Variants in TBC1D30 observed in about 807,000 individuals in gnomAD.
The protein encoded by TBC1D30 is TBC1 domain family member 30, also known as TBC1 domain family, member 30.
Under a neutral mutation model 63.2 loss-of-function variants are expected in TBC1D30, and 31 were observed. The ratio of observed to expected loss-of-function variants is 0.49; its 90% CI spans 0.37 to 0.66. TBC1D30 has a LOEUF of 0.66. Ranked by LOEUF, TBC1D30 falls within the 30% of genes least tolerant of loss-of-function variation. The pLI is 0.00. For missense variants in TBC1D30, 810 were observed against 953.6 expected (o/e 0.85, Z 1.98); for synonymous variants, 307 against 361.5 (o/e 0.85, Z 1.71).
chr12:64,819,810 T>C (rs1432573966), upstream of TBC1D30, among the ~76,000 whole-genome samples: 10 of 152,236 alleles, frequency 6.6e-5, 1 homozygote, highest in Admixed American at 6.5e-4. Context: ...TGTTTACACA[T>C]GTTCAAAAAT....
At chr12:64,807,101 C>T (rs960300057) in intron 2 of TBC1D30, among the ~76,000 whole-genome samples, 5 of 152,150 alleles carry the variant, frequency 3.3e-5, no homozygotes, top group African/African-American at 9.7e-5. Flanking sequence ...AGAATCCCCA[C>T]ATGTGGAGGG....
In TBC1D30 at chr12:64,848,305, G is replaced by A. The variant is rs555969170; in HGVS notation, c.1038+4820G>A. ...TTTTCTTTAGTATACTTTAAGTTCT[G>A]GGATACACGTGCAGAATGTGCAGGT... On this transcript the variant is annotated intron_variant, in intron 8 of 11. Transcript: ENST00000539867. 1.8e-4 allele frequency among the ~76,000 whole-genome samples: 27 copies of A among 150,902 alleles called. 1 individual carries two copies. The highest frequency in any genetic ancestry group is 6.6e-4 in the African/African-American group (27 of 41,092).
intron 1 of TBC1D30, among the ~76,000 whole-genome samples, chr12:64,765,386 G>T (rs553848137): frequency 6.9e-6 from 1 of 144,166 alleles, no homozygotes; most frequent in East Asian, 2.3e-4. Context: ...CTACTCAGGA[G>T]GATTAGGCAG....
intron 2 of TBC1D30, among the ~76,000 whole-genome samples, chr12:64,786,954 T>A (rs973951939): frequency 8.6e-5 from 13 of 150,928 alleles, no homozygotes; most frequent in South Asian, 4.2e-4. Context: ...AAAAAAAAAA[T>A]AAATAAATAA....
intron 1 of TBC1D30, among the ~76,000 whole-genome samples, chr12:64,825,752 G>A (rs1490986366): frequency 6.6e-6 from 1 of 152,202 alleles, no homozygotes; most frequent in Non-Finnish European, 1.5e-5. Flanking sequence ...GCCCTAGCGC[G>A]GGCTCCTGGG....
chr12:64,841,985 G>A (rs1186278266), intron 7 of TBC1D30, among the ~76,000 whole-genome samples: 1 of 152,148 alleles, frequency 6.6e-6, no homozygotes, highest in African/African-American at 2.4e-5. Context: ...CCCAATATTA[G>A]TATGTATCAA....
upstream of TBC1D30, among the ~76,000 whole-genome samples, chr12:64,779,881 A>T (rs1871184086): frequency 6.6e-6 from 1 of 152,230 alleles, no homozygotes; most frequent in Non-Finnish European, 1.5e-5. Flanking sequence ...ATCTCTAAGA[A>T]CAGTGCCTGA....
chr12:64,842,850 G>A (rs1287156599), intron 7 of TBC1D30, among the ~76,000 whole-genome samples: 5 of 152,142 alleles, frequency 3.3e-5, no homozygotes, highest in African/African-American at 1.2e-4. Context: ...ACTGTGAGGC[G>A]AGGAGTGCCA....
At chr12:64,851,117 T>C (rs1359124348) in intron 8 of TBC1D30, among the ~76,000 whole-genome samples, 1 of 152,214 alleles carries the variant, frequency 6.6e-6, no homozygotes, top group African/African-American at 2.4e-5. Flanking sequence ...AGTGATGATA[T>C]TTCCTGTATC....
intron 11 of TBC1D30, among the ~76,000 whole-genome samples, chr12:64,874,054 A>G (rs764535597): frequency 3.3e-5 from 5 of 152,306 alleles, no homozygotes; most frequent in Non-Finnish European, 5.9e-5. Flanking sequence ...GTCAATGATA[A>G]TGCCATCGAC....
Position 64,832,210 on chromosome 12 carries a change from G to A in TBC1D30, c.500G>A (p.Arg167Gln), listed in dbSNP as rs1404733305. Reference protein sequence around the residue: ...VLKRVLLAYARWNKTVGYCQG... With the variant: ...VLKRVLLAYAQWNKTVGYCQG... ...AAGCGGGTGCTGCTGGCCTATGCCC[G>A]ATGGAACAAAACTGTTGGGTACTGC... is the stretch of plus-strand genomic sequence containing the variant. The change falls in exon 5 of 12, where the codon CGA becomes CAA. Residue 167 changes from arginine (R) to glutamine (Q), a missense_variant. Physicochemically the swap from Arg to Gln is conservative, Grantham distance 43 (BLOSUM62 1). Around this residue, in one of 4 missense-constraint regions of TBC1D30, gnomAD observed 272 missense variants for 335.9 expected, o/e 0.81. Coordinates refer to ENST00000539867, the MANE Select transcript of TBC1D30 (RefSeq NM_015279.2). The A allele has an allele frequency of 5.2e-6, 8 of 1,536,014 alleles. No homozygotes were observed. Among genetic ancestry groups the A allele is most frequent in the Non-Finnish European group, 5.2e-6 (6 of 1,146,918 alleles).
chr12:64,801,980 T>G (rs952314781), intron 2 of TBC1D30, among the ~76,000 whole-genome samples: 18 of 149,912 alleles, frequency 1.2e-4, no homozygotes, highest in African/African-American at 4.1e-4. Context: ...TTCAGTGGAT[T>G]ATATGCTATT....
Position 64,875,263 on chromosome 12 carries a change from C to T in TBC1D30, c.1761C>T (p.Asp587=), listed in dbSNP as rs1281481979. 4 of 1,536,282 alleles carry T rather than the reference C, an allele frequency of 2.6e-6. No individual in the cohort carries two copies. The South Asian group carries it at 3.6e-5, about 14-fold the overall frequency. Residue 587 remains aspartate (D), a synonymous_variant, in exon 12 of 12, where the codon GAC becomes GAT. Transcript: ENST00000539867. ...CCAAGAGTCATCCGGGCTGTGGGGA[C>T]ACCGTAGGGCTGATAGATGAGCAGA... ...PRTKSHPGCG[D]TVGLIDEQNE... is the part of the protein sequence containing the mutation.
chr12:64,824,761 C>G lies in TBC1D30; in HGVS notation c.-119C>G, dbSNP rs888984479. 3 of 1,353,844 alleles carry G rather than the reference C, an allele frequency of 2.2e-6. No individual in the cohort carries two copies. The highest frequency in any genetic ancestry group is 2.6e-5 in the East Asian group (1 of 38,958). The allele number at this position is 1,353,844 out of a possible 1,614,324, so 83.9% of individuals were successfully genotyped here. On this transcript the variant is annotated 5_prime_UTR_variant, in exon 1 of 12. Transcript: ENST00000539867. ...GCACCAGCCGGCTGTGCGCTCCCTG[C>G]TCCCACGGGCCGGTCAGCCGCAGAC...
At chr12:64,765,764 G>T (rs2136271214) in intron 1 of TBC1D30, among the ~76,000 whole-genome samples, 1 of 150,900 alleles carries the variant, frequency 6.6e-6, no homozygotes, top group East Asian at 2.0e-4. Flanking sequence ...GGGAGGCCTA[G>T]GTGGGCAGAT....
chr12:64,828,463 C>T lies in TBC1D30; in HGVS notation c.236C>T (p.Ala79Val). The T allele has an allele frequency of 6.5e-7, 1 of 1,535,836 alleles. No homozygotes were observed. Among genetic ancestry groups the T allele is most frequent in the Admixed American group, 2.0e-5 (1 of 50,994 alleles). Residue 79 changes from alanine to valine, a missense_variant, in exon 3 of 12, where the codon GCA becomes GTA. Ala to Val is a moderately conservative substitution (Grantham distance 64, BLOSUM62 0). Transcript: ENST00000539867. ...GFQQWYDALK[A>V]VARLSTGIPK... ...TCCTAGTGGTACGATGCTCTCAAGG[C>T]AGTTGCCAGGCTATCCACAGGAATA...
At chr12:64,789,677 T>A (rs897302679) in intron 2 of TBC1D30, among the ~76,000 whole-genome samples, 1 of 152,214 alleles carries the variant, frequency 6.6e-6, no homozygotes, top group African/African-American at 2.4e-5. Context: ...ACTTACATTT[T>A]ATGGTTTCCT....
chr12:64,775,104 AAT>A (rs1555165730), intron 1 of TBC1D30, among the ~76,000 whole-genome samples: 9 of 147,908 alleles, frequency 6.1e-5, no homozygotes, highest in African/African-American at 2.2e-4. Context: ...AAAAAAAAAA[AAT>A]ATATATATAT....
intron 2 of TBC1D30, among the ~76,000 whole-genome samples, chr12:64,795,809 CT>C (rs5798759): frequency 1.4e-5 from 2 of 145,182 alleles, no homozygotes; most frequent in Admixed American, 6.9e-5. Flanking sequence ...AAGTTAGATG[CT>C]TTTTTTTTTC....
Sources: allele counts gnomAD v4.1 joint callset (sites outside exome capture counted in the v4.1 genomes callset), GRCh38; gene constraint gnomAD v4.1.1; regional missense constraint gnomAD v4.1.1; transcripts MANE v1.5; gene names NCBI Gene and HGNC (gene_info 2026-07-23, HGNC 2026-07-21).